The following LIMS1 variants were observed in gnomAD, a reference collection of about 807,000 sequenced individuals.
LIMS1 encodes the protein LIM and senescent cell antigen-like-containing domain protein 1.
Under a neutral mutation model 44.1 loss-of-function variants are expected in LIMS1, and 18 were observed. That is an observed-to-expected ratio of 0.41 (90% confidence interval 0.28 to 0.61). LIMS1 has a LOEUF of 0.61. Among genes scored for constraint, LIMS1 ranks in the 20% least tolerant of loss-of-function variants. LIMS1 has a pLI of 0.32. For synonymous variants in LIMS1, 93 were observed against 149.1 expected (o/e 0.62, Z 2.74); for missense variants, 201 against 422.0 (o/e 0.48, Z 4.59).
At chr2:108,551,645 T>G (rs1279864637) in intron 1 of LIMS1, among the ~76,000 whole-genome samples, 4 of 144,002 alleles carry the variant, frequency 2.8e-5, no homozygotes, top group Non-Finnish European at 6.0e-5. Flanking sequence ...TATGTATATA[T>G]GTGTATATAT....
chr2:108,562,778 A>G (rs960031948), intron 1 of LIMS1, among the ~76,000 whole-genome samples: 12 of 152,254 alleles, frequency 7.9e-5, no homozygotes, highest in African/African-American at 2.9e-4. Context: ...ACACCAAACA[A>G]CAGATTGTCA....
chr2:108,564,592 GCTGT>G (rs1446342573), intron 1 of LIMS1, among the ~76,000 whole-genome samples: 2 of 152,034 alleles, frequency 1.3e-5, no homozygotes, highest in Non-Finnish European at 2.9e-5. Flanking sequence ...AAGTCTGAAG[GCTGT>G]CTAATGGCAC....
At chr2:108,667,551 AAT>A (rs1553469852) in intron 2 of LIMS1, among the ~76,000 whole-genome samples, 2,654 of 130,454 alleles carry the variant, frequency 0.02, 31 homozygotes, top group South Asian at 0.044. Context: ...AAAAAAAAAA[AAT>A]ATATATATAT....
chr2:108,612,005 C>CATATATAAAATATAT (rs1553459837), intron 1 of LIMS1, among the ~76,000 whole-genome samples: 2 of 135,072 alleles, frequency 1.5e-5, no homozygotes, highest in African/African-American at 3.0e-5. Flanking sequence ...TATATATACA[C>CATATATAAAATATAT]ACATATATAT....
At chr2:108,682,413 T>G (rs1354895376) in intron 9 of LIMS1, among the ~76,000 whole-genome samples, 1 of 151,976 alleles carries the variant, frequency 6.6e-6, no homozygotes, top group Non-Finnish European at 1.5e-5. Context: ...GACAGGAGAA[T>G]CGCTTGAACC....
chr2:108,621,420 C>T (rs1331707975), intron 1 of LIMS1: 11 of 1,551,016 alleles, frequency 7.1e-6, no homozygotes, highest in South Asian at 2.4e-5. Context: ...GAGATCGCCC[C>T]GATAGTTTGA....
chr2:108,620,388 A>G (rs1380421600), intron 1 of LIMS1, among the ~76,000 whole-genome samples: 1 of 152,206 alleles, frequency 6.6e-6, no homozygotes, highest in Non-Finnish European at 1.5e-5. Flanking sequence ...GCTGGGAGGT[A>G]GCCTGTATTT....
intron 1 of LIMS1, among the ~76,000 whole-genome samples, chr2:108,552,269 G>A (rs919977047): frequency 1.5e-5 from 2 of 129,424 alleles, no homozygotes; most frequent in Admixed American, 8.1e-5. Context: ...TACACGTATA[G>A]TATATATATG....
intron 1 of LIMS1, among the ~76,000 whole-genome samples, chr2:108,583,011 TA>T (rs1434402298): frequency 6.6e-6 from 1 of 151,998 alleles, no homozygotes; most frequent in Non-Finnish European, 1.5e-5. Context: ...TAGAATATAT[TA>T]AAAAGGGGTG....
chr2:108,681,437 T>A (rs1692987190), intron 9 of LIMS1: 2 of 971,718 alleles, frequency 2.1e-6, no homozygotes, highest in South Asian at 4.8e-5. Context: ...CTTTTTTTTT[T>A]AATGGATTTA....
At chr2:108,595,547 G>A (rs1686634145) in intron 1 of LIMS1, among the ~76,000 whole-genome samples, 1 of 151,976 alleles carries the variant, frequency 6.6e-6, no homozygotes, top group African/African-American at 2.4e-5. Context: ...CTTTCTTCTT[G>A]TGATTCTGCC....
At chr2:108,639,198 C>G (rs991516270) in intron 1 of LIMS1, among the ~76,000 whole-genome samples, 6 of 152,054 alleles carry the variant, frequency 3.9e-5, no homozygotes, top group South Asian at 2.1e-4. Flanking sequence ...AACAGAAGAT[C>G]GATAAGGCCT....
intron 1 of LIMS1, among the ~76,000 whole-genome samples, chr2:108,635,821 A>C (rs1178279473): frequency 6.6e-6 from 1 of 152,200 alleles, no homozygotes; most frequent in Non-Finnish European, 1.5e-5. Flanking sequence ...ATGTAAATAC[A>C]GTTGTTTAAA....
intron 1 of LIMS1, among the ~76,000 whole-genome samples, chr2:108,623,637 G>A (rs1688388118): frequency 6.6e-6 from 1 of 152,276 alleles, no homozygotes; most frequent in South Asian, 2.1e-4. Flanking sequence ...CTAGGTTTGG[G>A]CATATTTAAT....
At chr2:108,621,847 G>A (rs1306739081) in intron 1 of LIMS1, among the ~76,000 whole-genome samples, 6 of 152,162 alleles carry the variant, frequency 3.9e-5, no homozygotes, top group African/African-American at 1.4e-4. Context: ...TGGGTAGTTT[G>A]TGGTGGTTTG....
intron 1 of LIMS1, among the ~76,000 whole-genome samples, chr2:108,587,619 T>A (rs564829023): frequency 6.6e-6 from 1 of 152,308 alleles, no homozygotes; most frequent in Non-Finnish European, 1.5e-5. Context: ...GCTTTCTTGC[T>A]GTATTTTCAG....
chr2:108,548,679 C>G (rs993614582), intron 1 of LIMS1, among the ~76,000 whole-genome samples: 3 of 152,208 alleles, frequency 2.0e-5, no homozygotes, highest in African/African-American at 7.2e-5. Context: ...CCACCAGCCC[C>G]CCTGGCAAAG....
At chr2:108,685,882 G>A (rs2149031558) in exon 10 of LIMS1, 1 of 152,256 alleles carries the variant, frequency 6.6e-6, no homozygotes, top group African/African-American at 2.4e-5. Flanking sequence ...GAAATATGGA[G>A]GAGAAAAACA....
chr2:108,621,177 G>T (rs758627324), intron 1 of LIMS1: 2 of 1,167,662 alleles, frequency 1.7e-6, no homozygotes, highest in Non-Finnish European at 2.3e-6. Flanking sequence ...TTGCTGAGGA[G>T]GGTGTGTACC....
Sources: gnomAD v4.1 joint callset for allele counts (sites outside exome capture counted in the v4.1 genomes callset) on GRCh38, gnomAD v4.1.1 for gene constraint, MANE v1.5 for transcripts, NCBI Gene and HGNC (gene_info 2026-07-23, HGNC 2026-07-21) for gene names.